DKK2: variants seen among roughly 807,000 people sequenced by gnomAD.
DKK2 encodes the protein dickkopf Wnt signaling pathway inhibitor 2.
Under a neutral mutation model 28.1 loss-of-function variants are expected in DKK2, and 11 were observed. The ratio of observed to expected loss-of-function variants is 0.39; its 90% CI spans 0.25 to 0.65. DKK2 has a LOEUF of 0.65. Among genes scored for constraint, DKK2 ranks in the 30% least tolerant of loss-of-function variants. DKK2 has a pLI of 0.47. For missense variants in DKK2, 326 were observed against 335.5 expected (o/e 0.97, Z 0.22); for synonymous variants, 135 against 126.5 (o/e 1.07, Z -0.45).
At chr4:107,000,709 G>A (rs1723347468) in intron 1 of DKK2, among the ~76,000 whole-genome samples, 1 of 152,114 alleles carries the variant, frequency 6.6e-6, no homozygotes, top group African/African-American at 2.4e-5. Flanking sequence ...AATACCTATG[G>A]TCCTTTACAT....
intron 1 of DKK2, among the ~76,000 whole-genome samples, chr4:106,978,800 A>G (rs1326458984): frequency 6.6e-6 from 1 of 151,762 alleles, no homozygotes; most frequent in Non-Finnish European, 1.5e-5. Flanking sequence ...TAAAAAAGAA[A>G]AAGAAAACAA....
intron 1 of DKK2, among the ~76,000 whole-genome samples, chr4:106,966,343 G>C (rs1407559428): frequency 6.6e-6 from 1 of 152,118 alleles, no homozygotes; most frequent in Non-Finnish European, 1.5e-5. Flanking sequence ...TTTGGAATCA[G>C]ACTTCAAGTT....
At chr4:106,955,057 G>A (rs959074681) in intron 1 of DKK2, among the ~76,000 whole-genome samples, 2 of 152,268 alleles carry the variant, frequency 1.3e-5, no homozygotes, top group East Asian at 1.9e-4. Context: ...GCAACTTCAC[G>A]TCTTCTCAAT....
At chr4:107,017,236 C>G (rs1723622692) in intron 1 of DKK2, among the ~76,000 whole-genome samples, 1 of 151,966 alleles carries the variant, frequency 6.6e-6, no homozygotes, top group Non-Finnish European at 1.5e-5. Flanking sequence ...ATCAGAATAT[C>G]TCTTCAATAT....
intron 1 of DKK2, among the ~76,000 whole-genome samples, chr4:106,945,475 G>A (rs1295833886): frequency 6.6e-6 from 1 of 152,086 alleles, no homozygotes; most frequent in African/African-American, 2.4e-5. Context: ...AACAGCATCT[G>A]TACATAGAGC....
intron 1 of DKK2, among the ~76,000 whole-genome samples, chr4:106,988,256 C>A (rs1428961763): frequency 6.6e-6 from 1 of 152,148 alleles, no homozygotes; most frequent in Non-Finnish European, 1.5e-5. Flanking sequence ...GTTAAAACAG[C>A]TGAACTCAGG....
At chr4:107,026,359 G>A (rs1258117430) in intron 1 of DKK2, among the ~76,000 whole-genome samples, 4 of 151,806 alleles carry the variant, frequency 2.6e-5, no homozygotes, top group Non-Finnish European at 4.4e-5. Context: ...AAAGTAAATA[G>A]CAAAAAAACT....
chr4:106,987,539 C>T (rs1429060268), intron 1 of DKK2, among the ~76,000 whole-genome samples: 4 of 152,186 alleles, frequency 2.6e-5, no homozygotes, highest in Non-Finnish European at 5.9e-5. Flanking sequence ...TTTCTCCTCT[C>T]CCCTGCCTGA....
intron 1 of DKK2, among the ~76,000 whole-genome samples, chr4:106,970,242 CTG>C (rs1167852326): frequency 1.3e-5 from 2 of 152,096 alleles, no homozygotes; most frequent in African/African-American, 4.8e-5. Flanking sequence ...TTTTCTGACA[CTG>C]TGTGGGATTG....
At chr4:106,999,673 A>C (rs955782754) in intron 1 of DKK2, among the ~76,000 whole-genome samples, 2 of 152,116 alleles carry the variant, frequency 1.3e-5, no homozygotes, top group Non-Finnish European at 2.9e-5. Context: ...AAATTTTTTC[A>C]AATTCAGCCA....
intron 1 of DKK2, among the ~76,000 whole-genome samples, chr4:107,001,066 A>T (rs1723352804): frequency 1.3e-5 from 2 of 152,104 alleles, no homozygotes; most frequent in South Asian, 4.1e-4. Context: ...CGAAAAAAAA[A>T]ACAAAAACAA....
chr4:106,968,471 C>T (rs1722816479), intron 1 of DKK2, among the ~76,000 whole-genome samples: 1 of 152,098 alleles, frequency 6.6e-6, no homozygotes, highest in African/African-American at 2.4e-5. Context: ...TGTGTGTAGG[C>T]ATATATCATG....
chr4:106,947,217 CTTAT>C lies in DKK2; in HGVS notation c.223-21272_223-21269del, dbSNP rs112817179. Among the ~76,000 whole-genome samples the C allele has an allele frequency of 3.9e-5, 6 of 152,092 alleles. 1 individual carries two copies. Among genetic ancestry groups the C allele is most frequent in the African/African-American group, 1.4e-4 (6 of 41,512 alleles). On this transcript the variant is annotated intron_variant, in intron 1 of 3. Transcript: ENST00000285311. Reference sequence around the variant, plus strand: ...TTTCCAGGTATATGGAGTGCCTTGACTTATTTATTTATTGGTCTTGGAATGAATG... The same window carrying C: ...TTTCCAGGTATATGGAGTGCCTTGACTTATTTATTGGTCTTGGAATGAATG...
intron 1 of DKK2, among the ~76,000 whole-genome samples, chr4:106,957,712 AT>A (rs1722617008): frequency 1.6e-5 from 2 of 127,406 alleles, no homozygotes; most frequent in Admixed American, 1.9e-4. Context: ...ATGAGAACAC[AT>A]GGACACAGGA....
chr4:106,955,493 A>T (rs1421029082), intron 1 of DKK2, among the ~76,000 whole-genome samples: 42 of 152,180 alleles, frequency 2.8e-4, no homozygotes, highest in Admixed American at 2.8e-3. Context: ...CCCCTATGGA[A>T]TTACACCCAA....
At chr4:106,964,945 A>C (rs530740402) in intron 1 of DKK2, among the ~76,000 whole-genome samples, 2 of 146,212 alleles carry the variant, frequency 1.4e-5, no homozygotes, top group South Asian at 4.4e-4. Flanking sequence ...GATAGATTAG[A>C]TATAGATAGA....
At chr4:106,954,683 G>T (rs891338984) in intron 1 of DKK2, among the ~76,000 whole-genome samples, 2 of 151,952 alleles carry the variant, frequency 1.3e-5, no homozygotes, top group African/African-American at 4.8e-5. Context: ...CACCACGCCT[G>T]GCTATTTTTT....
At chr4:106,936,745 C>T (rs1390681825) in intron 1 of DKK2, among the ~76,000 whole-genome samples, 3 of 152,240 alleles carry the variant, frequency 2.0e-5, no homozygotes, top group South Asian at 4.1e-4. Flanking sequence ...AAAGGGAAGC[C>T]CATCAGACTA....
At chr4:106,997,360 G>A (rs1723287282) in intron 1 of DKK2, among the ~76,000 whole-genome samples, 2 of 151,970 alleles carry the variant, frequency 1.3e-5, no homozygotes, top group Non-Finnish European at 2.9e-5. Context: ...ATCCTTTCCT[G>A]GTTAAAACGC....
Sources: gnomAD v4.1 joint callset for allele counts (sites outside exome capture counted in the v4.1 genomes callset) on GRCh38, gnomAD v4.1.1 for gene constraint, MANE v1.5 for transcripts, NCBI Gene and HGNC (gene_info 2026-07-23, HGNC 2026-07-21) for gene names.